The following WDR38 variants were observed in gnomAD, a reference collection of about 807,000 sequenced individuals.
WDR38 encodes WD repeat-containing protein 38.
Under a neutral mutation model 36.6 loss-of-function variants are expected in WDR38, and 37 were observed. The observed-to-expected ratio is 1.01, with a 90% confidence interval of 0.78 to 1.33. The LOEUF is 1.33. Among genes scored for constraint, WDR38 ranks in the 40% most tolerant of loss-of-function variants. The probability of loss-of-function intolerance (pLI) is 0.00; values close to 1 mark genes in which losing one functional copy is unlikely to be tolerated. For synonymous variants in WDR38, 164 were observed against 168.1 expected (o/e 0.98, Z 0.19); for missense variants, 411 against 414.6 (o/e 0.99, Z 0.07).
In WDR38 at chr9:124,853,589, C is replaced by A. The variant is rs1453668952; in HGVS notation, c.58C>A (p.His20Asn). The stretch of plus-strand genomic sequence containing the variant: ...GCGGAGAGTGAAATTCTTCGGCCAG[C>A]ACGGCGGGGAGGTGAGGTCCAGCGG... ...AVRRVKFFGQ[H>N]GGEVNSSAFS... The change falls in exon 1 of 9, where the codon CAC (histidine) becomes AAC (asparagine). Residue 20 changes from histidine to asparagine, a missense_variant. Transcript: ENST00000373574. The A allele has an allele frequency of 7.9e-7, 1 of 1,270,328 alleles. No individual in the cohort carries two copies. Among genetic ancestry groups the A allele is most frequent in the Non-Finnish European group, 1.0e-6 (1 of 1,000,622 alleles). The allele number at this position is 1,270,328 out of a possible 1,614,324, so 78.7% of individuals were successfully genotyped here. A position where few individuals can be genotyped will look rare whatever the true frequency, so the allele number is the denominator to read the frequency against.
At chr9:124,857,056 C>T (rs1284510659) in intron 7 of WDR38, among the ~76,000 whole-genome samples, 175 bp downstream of exon 7, 15 of 152,190 alleles carry the variant, frequency 9.9e-5, no homozygotes, top group Admixed American at 5.2e-4. Context: ...TAGGGCTGGC[C>T]CATTGGTAGT....
intron 1 of WDR38, 152 bp from the exon 2 acceptor site, chr9:124,854,053 C>A (rs2131313854): frequency 4.0e-6 from 5 of 1,251,664 alleles, no homozygotes; most frequent in Non-Finnish European, 5.6e-6. Context: ...CGAGAGAGGG[C>A]CCAGTGGGTC....
Position 124,856,601 on chromosome 9 carries a change from G to GT in WDR38, c.618+2dup, listed in dbSNP as rs1829077173. ...GTGCTATTCAGCATCCGGCCTCCTG[G>GT]TAAGTGGGGTGTCCTGGGTTCCAGG... is the stretch of plus-strand genomic sequence containing the variant. On this transcript the variant is annotated splice_donor_variant, in intron 6 of 8. Transcript: ENST00000373574. LOFTEE classifies it high-confidence loss of function. 1 of 1,613,836 alleles carries GT rather than the reference G, an allele frequency of 6.2e-7. No individual in the cohort carries two copies. Among genetic ancestry groups the GT allele is most frequent in the East Asian group, 2.2e-5 (1 of 44,886 alleles).
chr9:124,857,862 A>G lies in WDR38; in HGVS notation c.*232A>G, dbSNP rs876663. Reference sequence around the variant, plus strand: ...CCACCCACCTCCACCCAATCAGTGGAAGTGCCAGGAAACAAAGCAGTCTCA... The same window carrying G: ...CCACCCACCTCCACCCAATCAGTGGGAGTGCCAGGAAACAAAGCAGTCTCA... On this transcript the variant is annotated 3_prime_UTR_variant, in exon 9 of 9. Coordinates refer to ENST00000373574, the MANE Select transcript of WDR38 (RefSeq NM_001045476.3). The G allele has an allele frequency of 0.43, 689,433 of 1,595,716 alleles. 155,846 individuals are homozygous for G. Among genetic ancestry groups the G allele is most frequent in the Non-Finnish European group, 0.47 (550,993 of 1,168,594 alleles).
intron 2 of WDR38, among the ~76,000 whole-genome samples, chr9:124,855,212 G>A (rs931038755): frequency 3.9e-5 from 6 of 152,022 alleles, no homozygotes; most frequent in African/African-American, 9.7e-5. Flanking sequence ...CCACTGGCAC[G>A]ATGCAAGCAA....
chr9:124,854,730 AT>A (rs1411664684), intron 2 of WDR38, among the ~76,000 whole-genome samples: 1 of 151,970 alleles, frequency 6.6e-6, no homozygotes, highest in African/African-American at 2.4e-5. Flanking sequence ...CACCCAGCTA[AT>A]TTTTTTGTAT....
Position 124,855,523 on chromosome 9 carries a change from G to A in WDR38, c.191-111G>A. 3.6e-6 allele frequency: 4 copies of A among 1,115,304 alleles called. No homozygotes were observed. The South Asian group carries it at 5.7e-5, about 16-fold the overall frequency. 69.1% of individuals were successfully genotyped at this position (1,115,304 alleles called of 1,614,324 possible). Reference sequence around the variant, plus strand: ...ATCCAGGCATTTCTGGGAAGCTGGAGTTTGGGTGAGGGGAGGCTGGCGACG... The same window carrying A: ...ATCCAGGCATTTCTGGGAAGCTGGAATTTGGGTGAGGGGAGGCTGGCGACG... On this transcript the variant is annotated intron_variant, in intron 2 of 8. Coordinates refer to ENST00000373574, the MANE Select transcript of WDR38 (RefSeq NM_001045476.3).
At position 124,857,692 on chromosome 9, in the gene WDR38, G is replaced by A. The variant is rs994449762; in HGVS notation, c.*62G>A. ...CCCCTCAGTGGCGCACAGGCATGCC[G>A]CTTCTCCCCACAGACGCAAAGTGAC... On this transcript the variant is annotated 3_prime_UTR_variant, in exon 9 of 9. Transcript: ENST00000373574. 1.2e-5 allele frequency: 20 copies of A among 1,603,942 alleles called. No homozygotes were observed. The highest frequency in any genetic ancestry group is 1.7e-4 in the Middle Eastern group (1 of 6,038).
At chr9:124,854,029 G>A (rs1048314631) in intron 1 of WDR38, among the ~76,000 whole-genome samples, 176 bp from the exon 2 acceptor site, 5 of 152,172 alleles carry the variant, frequency 3.3e-5, no homozygotes, top group Non-Finnish European at 7.4e-5. Flanking sequence ...TGCAGGCTCT[G>A]GCTTTACGGG....
At chr9:124,854,065 C>T (rs534960846) in intron 1 of WDR38, 140 bp from the exon 2 acceptor site, 11 of 1,385,198 alleles carry the variant, frequency 7.9e-6, no homozygotes, top group South Asian at 1.3e-5. Context: ...CAGTGGGTCC[C>T]GGGTTCTGGG....
At chr9:124,857,279 A>G (rs890020249) in intron 7 of WDR38, 85 bp from the exon 8 acceptor site, 1 of 1,565,890 alleles carries the variant, frequency 6.4e-7, no homozygotes, top group East Asian at 2.2e-5. Flanking sequence ...CTCATCTCAT[A>G]TTTTGTCTGG....
Position 124,856,726 on chromosome 9 carries a change from G to A in WDR38, c.619-6G>A. 6.2e-7 allele frequency: 1 copy of A among 1,613,886 alleles called. No homozygotes were observed. Among genetic ancestry groups the A allele is most frequent in the Non-Finnish European group, 8.5e-7 (1 of 1,179,944 alleles). ...ACCCTGGGGATCAGAGCTGTCTGCTGTCCAGGCATCCGGCTCCTGGGACAA... is the reference window on the plus strand; with the variant it reads ...ACCCTGGGGATCAGAGCTGTCTGCTATCCAGGCATCCGGCTCCTGGGACAA... On this transcript the variant is annotated splice_region_variant and splice_polypyrimidine_tract_variant and intron_variant, in intron 6 of 8. Transcript: ENST00000373574.
chr9:124,857,633 C>T lies in WDR38; in HGVS notation c.*3C>T, dbSNP rs750587727. 3 of 1,612,050 alleles carry T rather than the reference C, an allele frequency of 1.9e-6. No homozygotes were observed. Among genetic ancestry groups the T allele is most frequent in the Admixed American group, 1.7e-5 (1 of 60,014 alleles). The stretch of plus-strand genomic sequence containing the variant: ...CACCCAGGGACCCTCAAACCTAACA[C>T]CAACCACCTTAGATGGTGCCGACCT... On this transcript the variant is annotated 3_prime_UTR_variant, in exon 9 of 9. Coordinates refer to ENST00000373574, the MANE Select transcript of WDR38 (RefSeq NM_001045476.3).
Position 124,855,935 on chromosome 9 carries a change from C to G in WDR38, c.382C>G (p.Arg128Gly), listed in dbSNP as rs535599560. Reference protein sequence around the residue: ...RQLASGGWDKRVMLWDVQSGQ... With the variant: ...RQLASGGWDKGVMLWDVQSGQ... ...GCTGGCATCAGGTGGCTGGGACAAG[C>G]GGGTGATGCTCTGGGATGTGCAGGT... is the stretch of plus-strand genomic sequence containing the variant. The change falls in exon 4 of 9, where the codon CGG becomes GGG. Residue 128 changes from arginine (R) to glycine (G), a missense_variant. Physicochemically the swap from Arg to Gly is moderately radical, Grantham distance 125 (BLOSUM62 -2). Coordinates refer to ENST00000373574, the MANE Select transcript of WDR38 (RefSeq NM_001045476.3). 1 of 1,614,046 alleles carries G rather than the reference C, an allele frequency of 6.2e-7. No homozygotes were observed. Among genetic ancestry groups the G allele is most frequent in the Non-Finnish European group, 8.5e-7 (1 of 1,179,914 alleles).
chr9:124,855,878 G>GA lies in WDR38; in HGVS notation c.326dup (p.Thr110AspfsTer7). On this transcript the variant is annotated frameshift_variant, in exon 4 of 9. Coordinates refer to ENST00000373574, the MANE Select transcript of WDR38 (RefSeq NM_001045476.3). LOFTEE classifies it high-confidence loss of function. Reference sequence around the variant, plus strand: ...GCCTGCAGGTCACCAACGGAGTGTGGAGACGGTCAGCTTCAGCCCTGACTC... The same window carrying GA: ...GCCTGCAGGTCACCAACGGAGTGTGGAAGACGGTCAGCTTCAGCCCTGACTC... 6.2e-7 allele frequency: 1 copy of GA among 1,614,178 alleles called. No individual in the cohort carries two copies. The highest frequency in any genetic ancestry group is 8.5e-7 in the Non-Finnish European group (1 of 1,180,014).
Position 124,856,717 on chromosome 9 carries a change from C to T in WDR38, c.619-15C>T. On this transcript the variant is annotated splice_polypyrimidine_tract_variant and intron_variant, in intron 6 of 8. Coordinates refer to ENST00000373574, the MANE Select transcript of WDR38 (RefSeq NM_001045476.3). Reference sequence around the variant, plus strand: ...AGGCCCCAAACCCTGGGGATCAGAGCTGTCTGCTGTCCAGGCATCCGGCTC... The same window carrying T: ...AGGCCCCAAACCCTGGGGATCAGAGTTGTCTGCTGTCCAGGCATCCGGCTC... 1 of 1,613,992 alleles carries T rather than the reference C, an allele frequency of 6.2e-7. No homozygotes were observed. Among genetic ancestry groups the T allele is most frequent in the Non-Finnish European group, 8.5e-7 (1 of 1,179,974 alleles).
At chr9:124,856,124 C>A (rs766092625) in intron 4 of WDR38, 116 bp from the exon 5 acceptor site, 3 of 1,539,160 alleles carry the variant, frequency 1.9e-6, no homozygotes, top group Non-Finnish European at 2.7e-6. Flanking sequence ...CCTCTCCAGG[C>A]TTCCTTGCAC....
chr9:124,854,444 G>A, intron 2 of WDR38, 119 bp downstream of exon 2: 4 of 1,508,298 alleles, frequency 2.7e-6, no homozygotes, highest in Non-Finnish European at 3.6e-6. Context: ...GGGCAGGTTG[G>A]GAGATGGGAC....
At position 124,855,912 on chromosome 9, in the gene WDR38, T is replaced by A; in HGVS notation, c.359T>A (p.Leu120Gln). ...TVSFSPDSRQ[L>Q]ASGGWDKRVM... ...AGCTTCAGCCCTGACTCGAGACAGC[T>A]GGCATCAGGTGGCTGGGACAAGCGG... The change falls in exon 4 of 9, where the codon CTG becomes CAG. Residue 120 changes from leucine to glutamine, a missense_variant. Coordinates refer to ENST00000373574, the MANE Select transcript of WDR38 (RefSeq NM_001045476.3). 1 of 1,614,104 alleles carries A rather than the reference T, an allele frequency of 6.2e-7. No individual in the cohort carries two copies. Among genetic ancestry groups the A allele is most frequent in the Non-Finnish European group, 8.5e-7 (1 of 1,179,946 alleles).
Sources: gnomAD v4.1 joint callset for allele counts (sites outside exome capture counted in the v4.1 genomes callset) on GRCh38, gnomAD v4.1.1 for gene constraint, MANE v1.5 for transcripts, NCBI Gene and HGNC (gene_info 2026-07-23, HGNC 2026-07-21) for gene names.